Variants in USP48 observed in about 807,000 individuals in gnomAD.
The protein encoded by USP48 is ubiquitin carboxyl-terminal hydrolase 48.
In USP48, 43 loss-of-function variants were observed where a neutral mutation model predicts 150.7. The observed-to-expected ratio is 0.29, with a 90% CI of 0.22 to 0.37. The LOEUF is 0.37. Ranked by LOEUF, USP48 falls within the 10% of genes least tolerant of loss-of-function variation. USP48 has a pLI of 1.00. For synonymous variants in USP48, 396 were observed against 425.9 expected (o/e 0.93, Z 0.86); for missense variants, 813 against 1,249.6 (o/e 0.65, Z 5.27).
At chr1:21,773,314 A>G (rs1409422960) in intron 1 of USP48, among the ~76,000 whole-genome samples, 1 of 152,026 alleles carries the variant, frequency 6.6e-6, no homozygotes, top group Non-Finnish European at 1.5e-5. Flanking sequence ...TCAGTAAGAA[A>G]ATGACCAACA....
At position 21,678,323 on chromosome 1, in the gene USP48, A is replaced by G. The variant is rs1288155631; in HGVS notation, c.*1094T>C. ...TTTCAAAGGAAAAACTCCAGTCTTA[A>G]GTTCAATTAAAAAAACCCCTTCAAT... is the stretch of plus-strand genomic sequence containing the variant. On this transcript the variant is annotated 3_prime_UTR_variant, in exon 27 of 27. Coordinates refer to ENST00000308271, the MANE Select transcript of USP48 (RefSeq NM_032236.8). 6.6e-6 allele frequency: 1 copy of G among 151,934 alleles called. No homozygotes were observed. Among genetic ancestry groups the G allele is most frequent in the Admixed American group, 6.6e-5 (1 of 15,260 alleles). 9.4% of individuals were successfully genotyped at this position (151,934 alleles called of 1,614,324 possible). A position where few individuals can be genotyped will look rare whatever the true frequency, so the allele number is the denominator to read the frequency against.
chr1:21,704,016 C>T, intron 20 of USP48, among the ~76,000 whole-genome samples: 1 of 152,314 alleles, frequency 6.6e-6, no homozygotes, highest in South Asian at 2.1e-4. Flanking sequence ...AGCTAGTGTG[C>T]TGGCCCAAAC....
In USP48 at chr1:21,716,870, T is replaced by C. The variant is rs566989521; in HGVS notation, c.1895-1413A>G. ...AGTGAAACCTCGTCTCTACTAAAAA[T>C]ACAAAAAATTAGCCAGGCATGGTGG... On this transcript the variant is annotated intron_variant, in intron 14 of 26. Coordinates refer to ENST00000308271, the MANE Select transcript of USP48 (RefSeq NM_032236.8). 3.8e-4 allele frequency among the ~76,000 whole-genome samples: 57 copies of C among 151,726 alleles called. No homozygotes were observed. In the Middle Eastern group the frequency reaches 0.01, roughly 27 times the overall value.
At chr1:21,741,199 G>C (rs779796686) in intron 8 of USP48, among the ~76,000 whole-genome samples, 3 of 152,096 alleles carry the variant, frequency 2.0e-5, no homozygotes, top group Non-Finnish European at 2.9e-5. Context: ...AACCAGAAAA[G>C]ATTTTTAAAG....
In USP48 at chr1:21,690,026, C is replaced by T; in HGVS notation, c.2957G>A (p.Cys986Tyr). 1 of 1,614,138 alleles carries T rather than the reference C, an allele frequency of 6.2e-7. No individual in the cohort carries two copies. Among genetic ancestry groups the T allele is most frequent in the Admixed American group, 1.7e-5 (1 of 60,016 alleles). Reference sequence around the variant, plus strand: ...GACGCCAAGGGTGCCTAGGGTGGCACAGTCATCACTTAAAATCTTTCCATC... The same window carrying T: ...GACGCCAAGGGTGCCTAGGGTGGCATAGTCATCACTTAAAATCTTTCCATC... ...SIDGKILSDD[C>Y]ATLGTLGVIP... Residue 986 changes from cysteine to tyrosine, a missense_variant, in exon 24 of 27, where the codon TGT (cysteine) becomes TAT (tyrosine). Coordinates refer to ENST00000308271, the MANE Select transcript of USP48 (RefSeq NM_032236.8).
At chr1:21,729,876 A>G in intron 9 of USP48, 44 bp from the exon 10 acceptor site, 1 of 1,613,120 alleles carries the variant, frequency 6.2e-7, no homozygotes, top group Non-Finnish European at 8.5e-7. Flanking sequence ...AAGTGCCTAG[A>G]GTTTGTTTAT....
chr1:21,700,297 A>G (rs2097651596), intron 22 of USP48, among the ~76,000 whole-genome samples: 3 of 152,104 alleles, frequency 2.0e-5, no homozygotes, highest in Non-Finnish European at 4.4e-5. Context: ...CACAAACTGC[A>G]TGATTTTGCT....
chr1:21,733,410 C>A (rs906899171), intron 9 of USP48, among the ~76,000 whole-genome samples: 3 of 151,764 alleles, frequency 2.0e-5, no homozygotes, highest in Non-Finnish European at 4.4e-5. Flanking sequence ...GAGGAAGACT[C>A]TGTCTCAAAA....
intron 1 of USP48, among the ~76,000 whole-genome samples, chr1:21,759,716 G>GT (rs1464144195): frequency 1.3e-5 from 2 of 152,124 alleles, no homozygotes; most frequent in African/African-American, 4.8e-5. Flanking sequence ...ACTGAATAAA[G>GT]TAAGAATCCA....
chr1:21,762,678 C>T (rs2097852733), intron 1 of USP48, among the ~76,000 whole-genome samples: 1 of 151,794 alleles, frequency 6.6e-6, no homozygotes, highest in Non-Finnish European at 1.5e-5. Context: ...CCAGCCTGAC[C>T]AACATGGTGA....
chr1:21,766,744 A>G (rs192321040), intron 1 of USP48, among the ~76,000 whole-genome samples: 1 of 152,148 alleles, frequency 6.6e-6, no homozygotes, highest in Admixed American at 6.6e-5. Flanking sequence ...GCTGGAGTGC[A>G]CTGCAACCTC....
In USP48 at chr1:21,748,279, AG is replaced by A. The variant is rs2097800326; in HGVS notation, c.775-9del. ...TCCTTCTAATTTTTCTTCCTGATCA[AG>A]AATAAGACATATTAATTTTAAAAAG... On this transcript the variant is annotated splice_polypyrimidine_tract_variant and intron_variant, in intron 6 of 26. Transcript: ENST00000308271. 1 of 1,601,282 alleles carries A rather than the reference AG, an allele frequency of 6.2e-7. No homozygotes were observed. The highest frequency in any genetic ancestry group is 8.5e-7 in the Non-Finnish European group (1 of 1,174,496).
At chr1:21,774,445 T>G (rs1324685187) in intron 1 of USP48, among the ~76,000 whole-genome samples, 1 of 152,096 alleles carries the variant, frequency 6.6e-6, no homozygotes, top group East Asian at 1.9e-4. Flanking sequence ...TCCCAGCACT[T>G]TGGGAGGCCA....
chr1:21,684,788 T>G (rs965929726), intron 25 of USP48, among the ~76,000 whole-genome samples: 2 of 152,258 alleles, frequency 1.3e-5, no homozygotes, highest in Non-Finnish European at 2.9e-5. Context: ...CAGCAAAATC[T>G]AGTGAAGAGG....
rs368265922 is a variant in USP48, at chr1:21,757,632, T to C, written c.255+31A>G. ...GCAAAAACAAAAACAAAAAACAGCA[T>C]ATAGCAATCGCTTAAAAAATGATGG... is the stretch of plus-strand genomic sequence containing the variant. On this transcript the variant is annotated intron_variant, in intron 2 of 26. Transcript: ENST00000308271. 26 of 1,599,380 alleles carry C rather than the reference T, an allele frequency of 1.6e-5. No homozygotes were observed. The East Asian group carries it at 4.9e-4, about 30-fold the overall frequency.
chr1:21,698,125 G>A (rs2097642711), intron 22 of USP48, among the ~76,000 whole-genome samples: 1 of 152,094 alleles, frequency 6.6e-6, no homozygotes, highest in African/African-American at 2.4e-5. Flanking sequence ...AATTACAGAA[G>A]CTATCTTTGT....
At chr1:21,756,924 T>C in intron 2 of USP48, 1 of 985,444 alleles carries the variant, frequency 1.0e-6, no homozygotes, top group Non-Finnish European at 1.2e-6. Context: ...ACGGCATCAC[T>C]GCTCATCTCT....
Position 21,695,228 on chromosome 1 carries a change from T to C in USP48, c.2728-7A>G, listed in dbSNP as rs1003117366. The C allele has an allele frequency of 5.0e-6, 8 of 1,596,566 alleles. No individual in the cohort carries two copies. The highest frequency in any genetic ancestry group is 3.5e-5 in the Admixed American group (2 of 56,692). ...GCTTTGTTCCACCATTGCTCTATAA[T>C]GAAGATTGGAAATGAAGAAAGCACT... On this transcript the variant is annotated splice_region_variant and splice_polypyrimidine_tract_variant and intron_variant, in intron 22 of 26. Coordinates refer to ENST00000308271, the MANE Select transcript of USP48 (RefSeq NM_032236.8).
At chr1:21,736,680 T>A (rs960460430) in intron 8 of USP48, 55 bp from the exon 9 acceptor site, 1 of 1,335,642 alleles carries the variant, frequency 7.5e-7, no homozygotes, top group Non-Finnish European at 9.8e-7. Context: ...ATTTCTTATA[T>A]CCTGAGCCTG....
Sources: allele counts gnomAD v4.1 joint callset (sites outside exome capture counted in the v4.1 genomes callset), GRCh38; gene constraint gnomAD v4.1.1; transcripts MANE v1.5; gene names NCBI Gene and HGNC (gene_info 2026-07-23, HGNC 2026-07-21).